PCDHA12: variants seen among roughly 807,000 people sequenced by gnomAD.
PCDHA12 encodes protocadherin alpha 12, also known as protocadherin alpha-12.
PCDHA12 carries 44 observed loss-of-function variants against 60.0 expected under a neutral mutation model. The observed-to-expected ratio is 0.73, with a 90% CI of 0.58 to 0.94. The LOEUF is 0.94. Ranked by LOEUF, PCDHA12 falls within the 40% of genes least tolerant of loss-of-function variation. The probability of loss-of-function intolerance (pLI) is 0.00; values close to 1 mark genes in which losing one functional copy is unlikely to be tolerated. For synonymous variants in PCDHA12, 569 were observed against 553.0 expected (o/e 1.03, Z -0.40); for missense variants, 1,276 against 1,239.7 (o/e 1.03, Z -0.44).
At chr5:140,976,203 A>T (rs1301475935) in intron 1 of PCDHA12, among the ~76,000 whole-genome samples, 1 of 152,220 alleles carries the variant, frequency 6.6e-6, no homozygotes, top group East Asian at 1.9e-4. Flanking sequence ...GAAACTCAGA[A>T]GTAAAAAAGA....
At chr5:140,985,310 TG>T (rs1563522847) in intron 3 of PCDHA12, among the ~76,000 whole-genome samples, 2 of 152,196 alleles carry the variant, frequency 1.3e-5, no homozygotes, top group African/African-American at 4.8e-5. Flanking sequence ...GATAGCCTGG[TG>T]GCCAGAATTC....
chr5:140,924,102 T>C (rs1227932285), intron 1 of PCDHA12, among the ~76,000 whole-genome samples: 1 of 152,242 alleles, frequency 6.6e-6, no homozygotes. Context: ...TAAATTTTCA[T>C]TCCAAAGCAG....
Position 140,877,146 on chromosome 5 carries a change from G to A in PCDHA12, c.1674G>A (p.Glu558=), listed in dbSNP as rs781819140. The A allele has an allele frequency of 1.9e-6, 3 of 1,613,818 alleles. No individual in the cohort carries two copies. In the East Asian group the frequency reaches 6.7e-5, roughly 36 times the overall value. The change falls in exon 1 of 4, where the codon GAG becomes GAA. Residue 558 remains glutamate (E), a synonymous_variant. Coordinates refer to ENST00000398631, the MANE Select transcript of PCDHA12 (RefSeq NM_018903.4). ...CGCTGCAGGTGTTCGTGCTGGACGA[G>A]AACGACAACGCGCCGGCACTGCTGG... ...NVTLQVFVLD[E]NDNAPALLAT...
intron 1 of PCDHA12, among the ~76,000 whole-genome samples, chr5:140,938,642 CCTT>C (rs1554212266): frequency 6.6e-6 from 1 of 151,942 alleles, no homozygotes; most frequent in East Asian, 1.9e-4. Flanking sequence ...GATGTATAAT[CCTT>C]CTTTATATCA....
At chr5:140,946,705 T>A (rs246053) in intron 1 of PCDHA12, among the ~76,000 whole-genome samples, 81,982 of 146,914 alleles carry the variant, frequency 0.56, 23,474 homozygotes, top group African/African-American at 0.69. Context: ...AATCTGGAGG[T>A]CATTATGTTT....
rs150463901 is a variant in PCDHA12, at chr5:140,882,560, C to A, written c.2367+4721C>A. 1.3e-3 allele frequency: 2,163 copies of A among 1,614,168 alleles called. 36 individuals carry two copies. Among genetic ancestry groups the A allele is most frequent in the Admixed American group, 1.6e-3 (95 of 60,010 alleles). ...GATCGACCGCGAGGAGCTGTGTGGG[C>A]GGAGCGCGGAGTGCAGCATCCACCT... On this transcript the variant is annotated intron_variant, in intron 1 of 3. Coordinates refer to ENST00000398631, the MANE Select transcript of PCDHA12 (RefSeq NM_018903.4).
rs183311315 is a variant in PCDHA12, at chr5:140,913,513, T to C, written c.2367+35674T>C. ...AGTCTGTTTAAAACTTTGTCAATTTTATTTATCTTTTCAAAAGATTGACTT... is the reference window on the plus strand; with the variant it reads ...AGTCTGTTTAAAACTTTGTCAATTTCATTTATCTTTTCAAAAGATTGACTT... On this transcript the variant is annotated intron_variant, in intron 1 of 3. Coordinates refer to ENST00000398631, the MANE Select transcript of PCDHA12 (RefSeq NM_018903.4). Among the ~76,000 whole-genome samples, 393 of 152,272 alleles carry C rather than the reference T, an allele frequency of 2.6e-3. 2 individuals are homozygous for C. The highest frequency in any genetic ancestry group is 9.2e-3 in the African/African-American group (382 of 41,572).
intron 3 of PCDHA12, among the ~76,000 whole-genome samples, chr5:140,997,598 TG>T (rs1182118908): frequency 6.6e-5 from 10 of 152,124 alleles, no homozygotes; most frequent in Admixed American, 2.0e-4. Context: ...AACATGATTA[TG>T]GGGCGCATGA....
At chr5:140,894,414 C>A (rs1554186083) in intron 1 of PCDHA12, among the ~76,000 whole-genome samples, 2 of 151,928 alleles carry the variant, frequency 1.3e-5, no homozygotes, top group African/African-American at 4.8e-5. Flanking sequence ...TCTTTTGTAG[C>A]TAACACTCCT....
At chr5:140,925,800 C>T (rs1318763578) in intron 1 of PCDHA12, among the ~76,000 whole-genome samples, 5 of 152,070 alleles carry the variant, frequency 3.3e-5, no homozygotes, top group African/African-American at 1.2e-4. Context: ...AGTACTTTCC[C>T]CTCCACTTCT....
At chr5:140,893,771 T>C (rs1428542584) in intron 1 of PCDHA12, among the ~76,000 whole-genome samples, 1 of 152,186 alleles carries the variant, frequency 6.6e-6, no homozygotes, top group African/African-American at 2.4e-5. Flanking sequence ...CTTGTCACTT[T>C]TCTTTTACCG....
At chr5:140,888,967 G>T (rs1434157317) in intron 1 of PCDHA12, among the ~76,000 whole-genome samples, 1 of 152,000 alleles carries the variant, frequency 6.6e-6, no homozygotes, top group African/African-American at 2.4e-5. Flanking sequence ...CAATGTTAAT[G>T]TGTTGAATTT....
chr5:140,933,694 C>A lies in PCDHA12; in HGVS notation c.2368-45255C>A, dbSNP rs782754431. On this transcript the variant is annotated intron_variant, in intron 1 of 3. Coordinates refer to ENST00000398631, the MANE Select transcript of PCDHA12 (RefSeq NM_018903.4). ...CTCTCACATTTTTTTTCCTATTCCT[C>A]GGACACATTTACTGAGATTGGTGAT... 5.3e-5 allele frequency among the ~76,000 whole-genome samples: 8 copies of A among 151,858 alleles called. No homozygotes were observed. In the South Asian group the frequency reaches 1.7e-3, roughly 31 times the overall value.
chr5:140,959,370 T>C (rs1212787453), intron 1 of PCDHA12, among the ~76,000 whole-genome samples: 1 of 151,796 alleles, frequency 6.6e-6, no homozygotes, highest in African/African-American at 2.4e-5. Flanking sequence ...TGAGACCCTG[T>C]CTCAAAAAAA....
chr5:140,943,435 A>G (rs941814689), intron 1 of PCDHA12, among the ~76,000 whole-genome samples: 2 of 152,148 alleles, frequency 1.3e-5, no homozygotes, highest in African/African-American at 4.8e-5. Flanking sequence ...AATATGATAT[A>G]AAGGATAGAA....
At chr5:140,912,116 C>G (rs2075772929) in intron 1 of PCDHA12, among the ~76,000 whole-genome samples, 1 of 152,188 alleles carries the variant, frequency 6.6e-6, no homozygotes, top group Non-Finnish European at 1.5e-5. Context: ...GGCTGGGAGG[C>G]TAAGTCAGTC....
intron 1 of PCDHA12, among the ~76,000 whole-genome samples, chr5:140,940,084 A>G (rs1320170233): frequency 1.3e-5 from 2 of 152,202 alleles, no homozygotes; most frequent in East Asian, 3.8e-4. Context: ...TCTTTCTGCT[A>G]AATTGAAACT....
chr5:140,889,025 A>G (rs2062065518), intron 1 of PCDHA12, among the ~76,000 whole-genome samples: 1 of 152,068 alleles, frequency 6.6e-6, no homozygotes, highest in South Asian at 2.1e-4. Flanking sequence ...TTCCTTGGAT[A>G]ACCGTAATTT....
At chr5:140,964,753 T>A (rs1411001872) in intron 1 of PCDHA12, among the ~76,000 whole-genome samples, 1 of 149,084 alleles carries the variant, frequency 6.7e-6, no homozygotes, top group East Asian at 1.9e-4. Context: ...TGTAGGGATG[T>A]TTGGGGAGGA....
Sources: allele counts gnomAD v4.1 joint callset (sites outside exome capture counted in the v4.1 genomes callset), GRCh38; gene constraint gnomAD v4.1.1; transcripts MANE v1.5; gene names NCBI Gene and HGNC (gene_info 2026-07-23, HGNC 2026-07-21).